Variants in DUS2 observed in about 807,000 individuals in gnomAD.
The protein encoded by DUS2 is tRNA-dihydrouridine(20) synthase [NAD(P)+]-like.
DUS2 carries 52 observed loss-of-function variants against 71.3 expected under a neutral mutation model. The observed-to-expected ratio is 0.73, with a 90% CI of 0.58 to 0.92. The LOEUF is 0.92. Ranked by LOEUF, DUS2 falls within the 40% of genes least tolerant of loss-of-function variation. The probability of loss-of-function intolerance (pLI) is 0.00; values close to 1 mark genes in which losing one functional copy is unlikely to be tolerated. For missense variants in DUS2, 558 were observed against 622.6 expected (o/e 0.90, Z 1.10); for synonymous variants, 204 against 227.8 (o/e 0.90, Z 0.94).
chr16:68,039,833 G>A (rs1196357529), intron 3 of DUS2, among the ~76,000 whole-genome samples: 1 of 152,064 alleles, frequency 6.6e-6, no homozygotes, highest in Non-Finnish European at 1.5e-5. Context: ...GAACACTCAC[G>A]GAGTTAATGG....
At chr16:68,048,024 C>T (rs1270341930) in intron 3 of DUS2, among the ~76,000 whole-genome samples, 1 of 152,150 alleles carries the variant, frequency 6.6e-6, no homozygotes, top group East Asian at 1.9e-4. Context: ...CTCAAGTGAT[C>T]CTCCTGCTTT....
At chr16:68,043,266 T>G (rs1400812656) in intron 3 of DUS2, among the ~76,000 whole-genome samples, 1 of 151,960 alleles carries the variant, frequency 6.6e-6, no homozygotes, top group Non-Finnish European at 1.5e-5. Flanking sequence ...ATTAGCCGGG[T>G]GTGGTGGTGC....
At chr16:68,024,281 T>G (rs865852688) in intron 1 of DUS2, among the ~76,000 whole-genome samples, 3 of 152,106 alleles carry the variant, frequency 2.0e-5, no homozygotes, top group Middle Eastern at 6.8e-3. Context: ...CTGTTTTTAG[T>G]AGAGACAGGG....
At chr16:68,073,009 G>T (rs1281726697) in intron 12 of DUS2, among the ~76,000 whole-genome samples, 1 of 152,216 alleles carries the variant, frequency 6.6e-6, no homozygotes, top group East Asian at 1.9e-4. Context: ...TGGTTAGAAG[G>T]AATAGAAGAA....
intron 10 of DUS2, among the ~76,000 whole-genome samples, chr16:68,067,427 G>T (rs531524566): frequency 1.5e-5 from 2 of 132,004 alleles, no homozygotes; most frequent in African/African-American, 5.8e-5. Flanking sequence ...GATTACAGGT[G>T]CGCTCCACCA....
chr16:68,078,514 T>G lies in DUS2; in HGVS notation c.1240T>G (p.Leu414Val). 1 of 1,613,970 alleles carries G rather than the reference T, an allele frequency of 6.2e-7. No individual in the cohort carries two copies. Among genetic ancestry groups the G allele is most frequent in the Non-Finnish European group, 8.5e-7 (1 of 1,179,978 alleles). The change falls in exon 16 of 17, where the codon TTG becomes GTG. Residue 414 changes from leucine (L) to valine (V), a missense_variant. Transcript: ENST00000565263. ...TGCTGAACAAAAGTATCAGTCTACC[T>G]TGTGGTAAGTTTCCTTATCATAGGA... ...TVAEQKYQST[L>V]WDKSKKLAEQ...
intron 13 of DUS2, 61 bp downstream of exon 13, chr16:68,074,216 G>A (rs1184134033): frequency 1.9e-6 from 3 of 1,600,916 alleles, no homozygotes; most frequent in Non-Finnish European, 1.7e-6. Context: ...TTGACTTTGA[G>A]CCCTAAGCTG....
intron 2 of DUS2, among the ~76,000 whole-genome samples, chr16:68,034,914 T>A (rs2033495009): frequency 6.6e-6 from 1 of 152,076 alleles, no homozygotes; most frequent in South Asian, 2.1e-4. Flanking sequence ...GGCAGAAGAA[T>A]TGCTTGAACC....
chr16:68,041,810 CAAA>C (rs775747419), intron 3 of DUS2, among the ~76,000 whole-genome samples: 13 of 56,558 alleles, frequency 2.3e-4, no homozygotes, highest in South Asian at 5.6e-4. Context: ...AACTCTGTGT[CAAA>C]AAAAAAAAAA....
chr16:68,049,214 A>G (rs1332295778), intron 3 of DUS2, among the ~76,000 whole-genome samples: 1 of 152,152 alleles, frequency 6.6e-6, no homozygotes, highest in South Asian at 2.1e-4. Flanking sequence ...AAATTTTCCA[A>G]GTGAATACAT....
chr16:68,067,597 T>C (rs187333021), intron 10 of DUS2, among the ~76,000 whole-genome samples: 104 of 151,740 alleles, frequency 6.9e-4, no homozygotes, highest in Non-Finnish European at 1.3e-3. Flanking sequence ...TTCTTTCTAT[T>C]ATATTGAGCA....
At chr16:68,040,744 T>C in intron 3 of DUS2, among the ~76,000 whole-genome samples, 1 of 151,402 alleles carries the variant, frequency 6.6e-6, no homozygotes, top group Non-Finnish European at 1.5e-5. Context: ...CTGAGTGTGG[T>C]GTCAGCGCCC....
intron 4 of DUS2, among the ~76,000 whole-genome samples, chr16:68,051,992 C>T (rs752029941): frequency 5.9e-5 from 9 of 151,728 alleles, no homozygotes; most frequent in Admixed American, 3.9e-4. Flanking sequence ...TCCGCCTTCC[C>T]GGCTCAAGAG....
chr16:68,028,084 A>G (rs570822571), intron 2 of DUS2, among the ~76,000 whole-genome samples: 25 of 152,238 alleles, frequency 1.6e-4, no homozygotes, highest in Admixed American at 5.2e-4. Context: ...AAATGGAACT[A>G]TCATGTTTTG....
At chr16:68,065,866 G>C (rs560424789) in intron 8 of DUS2, among the ~76,000 whole-genome samples, 1 of 151,598 alleles carries the variant, frequency 6.6e-6, no homozygotes, top group African/African-American at 2.4e-5. Flanking sequence ...TTCTGAGGAC[G>C]GGCTGGAGTG....
Position 68,075,483 on chromosome 16 carries a change from A to G in DUS2, c.1061A>G (p.Lys354Arg). 6.2e-7 allele frequency: 1 copy of G among 1,612,928 alleles called. No individual in the cohort carries two copies. Among genetic ancestry groups the G allele is most frequent in the Non-Finnish European group, 8.5e-7 (1 of 1,179,418 alleles). ...GCTGAAGATACCTCTGGTGTCATTA[A>G]GATGGCTGTCAAGTTTGACCGGTAG... ...EPAEDTSGVI[K>R]MAVKFDRRAY... The change falls in exon 14 of 17, where the codon AAG becomes AGG. Residue 354 changes from lysine (K) to arginine (R), a missense_variant. By Grantham distance (26) the Lys-to-Arg change is conservative. Transcript: ENST00000565263.
intron 15 of DUS2, chr16:68,077,555 T>A (rs1020971181): frequency 6.6e-6 from 1 of 151,926 alleles, no homozygotes; most frequent in Non-Finnish European, 1.5e-5. Flanking sequence ...CCTGGCTAAC[T>A]TTTTTGTATT....
At chr16:68,072,444 G>T (rs917991327) in intron 12 of DUS2, among the ~76,000 whole-genome samples, 3 of 152,220 alleles carry the variant, frequency 2.0e-5, no homozygotes, top group Non-Finnish European at 4.4e-5. Context: ...TGGGTGAAAG[G>T]TGATATTATC....
intron 8 of DUS2, 149 bp downstream of exon 8, chr16:68,061,262 T>A: frequency 1.3e-6 from 1 of 785,512 alleles, no homozygotes; most frequent in Non-Finnish European, 2.0e-6. Flanking sequence ...AATTTTCCAG[T>A]GATTTTGACA....
Sources: allele counts gnomAD v4.1 joint callset (sites outside exome capture counted in the v4.1 genomes callset), GRCh38; gene constraint gnomAD v4.1.1; transcripts MANE v1.5; gene names NCBI Gene and HGNC (gene_info 2026-07-23, HGNC 2026-07-21).